The following DOCK7 variants were observed in gnomAD, a reference collection of about 807,000 sequenced individuals.
DOCK7 encodes the protein dedicator of cytokinesis protein 7.
In DOCK7, 138 loss-of-function variants were observed where a neutral mutation model predicts 271.0. That is an observed-to-expected ratio of 0.51 (90% CI 0.44 to 0.59). The LOEUF is 0.59. Among genes scored for constraint, DOCK7 ranks in the 20% least tolerant of loss-of-function variants. The pLI is 0.00. For missense variants in DOCK7, 2,066 were observed against 2,592.4 expected (o/e 0.80, Z 4.41); for synonymous variants, 823 against 876.1 (o/e 0.94, Z 1.07).
In DOCK7 at chr1:62,619,884, C is replaced by A; in HGVS notation, c.1519+16G>T. On this transcript the variant is annotated intron_variant, in intron 13 of 49. Transcript: ENST00000635253. ...AATAATAGTTGCAACCATTTCTACTCAAAATTTTTAAATACCTGTAATAGG... is the reference window on the plus strand; with the variant it reads ...AATAATAGTTGCAACCATTTCTACTAAAAATTTTTAAATACCTGTAATAGG... 6.4e-7 allele frequency: 1 copy of A among 1,570,990 alleles called. No homozygotes were observed. The highest frequency in any genetic ancestry group is 8.7e-7 in the Non-Finnish European group (1 of 1,146,934).
chr1:62,676,018 C>T (rs567517463), intron 1 of DOCK7, among the ~76,000 whole-genome samples: 1 of 152,238 alleles, frequency 6.6e-6, no homozygotes, highest in East Asian at 1.9e-4. Flanking sequence ...ACACTATGAC[C>T]TAGCAATTCC....
At chr1:62,490,063 T>TC (rs1474417930) in intron 41 of DOCK7, among the ~76,000 whole-genome samples, 2 of 149,684 alleles carry the variant, frequency 1.3e-5, no homozygotes, top group Non-Finnish European at 3.0e-5. Flanking sequence ...CCTTATCCTT[T>TC]TTTTTTTTTT....
At chr1:62,650,991 C>T (rs1166679003) in intron 4 of DOCK7, among the ~76,000 whole-genome samples, 1 of 152,098 alleles carries the variant, frequency 6.6e-6, no homozygotes, top group African/African-American at 2.4e-5. Flanking sequence ...AAGACACATG[C>T]ACACGTATGT....
intron 22 of DOCK7, among the ~76,000 whole-genome samples, chr1:62,547,595 T>C (rs1298675891): frequency 6.6e-6 from 1 of 152,090 alleles, no homozygotes; most frequent in African/African-American, 2.4e-5. Flanking sequence ...CTCTCAGTGT[T>C]TGAGAAATTA....
chr1:62,602,932 T>C (rs1169646990), intron 14 of DOCK7, among the ~76,000 whole-genome samples: 1 of 151,672 alleles, frequency 6.6e-6, no homozygotes, highest in Non-Finnish European at 1.5e-5. Context: ...ATAAGCAAGA[T>C]AAAATAACAG....
At chr1:62,647,406 T>C (rs562999546) in intron 7 of DOCK7, among the ~76,000 whole-genome samples, 2 of 152,266 alleles carry the variant, frequency 1.3e-5, no homozygotes, top group South Asian at 2.1e-4. Flanking sequence ...GCTTCATACA[T>C]AGGTTTGAAT....
At chr1:62,588,647 G>C (rs1160072416) in intron 14 of DOCK7, among the ~76,000 whole-genome samples, 1 of 152,126 alleles carries the variant, frequency 6.6e-6, no homozygotes, top group Non-Finnish European at 1.5e-5. Context: ...AAAGGATAAT[G>C]TGTTATTTTT....
chr1:62,679,212 T>A (rs955217543), intron 1 of DOCK7, among the ~76,000 whole-genome samples: 1 of 152,244 alleles, frequency 6.6e-6, no homozygotes, highest in East Asian at 1.9e-4. Flanking sequence ...ATGAATATCT[T>A]AATATCTCAG....
chr1:62,584,284 A>C lies in DOCK7; in HGVS notation c.1801-1030T>G, dbSNP rs183156539. 6.2e-5 allele frequency: 60 copies of C among 974,506 alleles called. No individual in the cohort carries two copies. The African/African-American group carries it at 9.6e-4, about 16-fold the overall frequency. 60.4% of individuals were successfully genotyped at this position (974,506 alleles called of 1,614,324 possible). ...TTCCTAAGATATATATTATTTCATC[A>C]ATTTACAAATACCTTAGTATGTTTT... is the stretch of plus-strand genomic sequence containing the variant. On this transcript the variant is annotated intron_variant, in intron 15 of 49. Coordinates refer to ENST00000635253, the MANE Select transcript of DOCK7 (RefSeq NM_001367561.1).
chr1:62,671,147 A>T (rs966793330), intron 1 of DOCK7, among the ~76,000 whole-genome samples: 1 of 152,196 alleles, frequency 6.6e-6, no homozygotes, highest in Non-Finnish European at 1.5e-5. Context: ...GAACATCAGA[A>T]GGGACAGACT....
chr1:62,516,766 C>T (rs1644673463), intron 31 of DOCK7: 1 of 152,278 alleles, frequency 6.6e-6, no homozygotes, highest in Non-Finnish European at 1.5e-5. Context: ...ACTCTGATCA[C>T]CACACACATA....
rs74669641 is a variant in DOCK7 at position 62,590,555 on chromosome 1, C to G, written c.1683-3931G>C. On this transcript the variant is annotated intron_variant, in intron 14 of 49. Transcript: ENST00000635253. Reference sequence around the variant, plus strand: ...AGATGAAGTCCTTAGCTTCATAGAACTCGTGGTCTAGAGGGGAAATCAGAC... The same window carrying G: ...AGATGAAGTCCTTAGCTTCATAGAAGTCGTGGTCTAGAGGGGAAATCAGAC... 2.6e-3 allele frequency among the ~76,000 whole-genome samples: 389 copies of G among 152,190 alleles called. 3 individuals carry two copies. The highest frequency in any genetic ancestry group is 8.6e-3 in the African/African-American group (357 of 41,520).
intron 1 of DOCK7, among the ~76,000 whole-genome samples, chr1:62,686,171 T>TCATCAGAAGTAAGACC (rs1661710520): frequency 1.9e-3 from 1 of 538 alleles, no homozygotes; most frequent in African/African-American, 1.9e-3. Flanking sequence ...TTTTTTTTTT[T>TCATCAGAAGTAAGACC]TTTTTTTTTT....
intron 48 of DOCK7, among the ~76,000 whole-genome samples, chr1:62,465,821 A>T (rs924455255): frequency 6.6e-6 from 1 of 152,224 alleles, no homozygotes; most frequent in South Asian, 2.1e-4. Flanking sequence ...AAGTGCTGGG[A>T]TTACAGGTGT....
At chr1:62,680,253 T>C (rs1176862089) in intron 1 of DOCK7, among the ~76,000 whole-genome samples, 1 of 152,184 alleles carries the variant, frequency 6.6e-6, no homozygotes, top group Non-Finnish European at 1.5e-5. Context: ...AACCATCTGA[T>C]CTTTGACAAA....
chr1:62,535,002 T>C (rs1003010091), intron 29 of DOCK7, among the ~76,000 whole-genome samples: 2 of 152,004 alleles, frequency 1.3e-5, no homozygotes, highest in Non-Finnish European at 2.9e-5. Flanking sequence ...GGCAGGAGAA[T>C]TGCTTGAACC....
Position 62,542,711 on chromosome 1 carries a change from G to A in DOCK7, c.2950-8C>T, listed in dbSNP as rs1011495148. The A allele has an allele frequency of 1.2e-6, 2 of 1,610,830 alleles. No individual in the cohort carries two copies. The highest frequency in any genetic ancestry group is 1.7e-6 in the Non-Finnish European group (2 of 1,178,662). The stretch of plus-strand genomic sequence containing the variant: ...CAGCTCCTCGTGAAAAAGCTATCCA[G>A]AAGTAAATCCAAAGTTATTATCAAA... On this transcript the variant is annotated splice_region_variant and splice_polypyrimidine_tract_variant and intron_variant, in intron 24 of 49. Transcript: ENST00000635253.
intron 22 of DOCK7, 101 bp from the exon 23 acceptor site, chr1:62,545,140 T>C (rs924979764): frequency 1.3e-5 from 15 of 1,162,572 alleles, no homozygotes; most frequent in Non-Finnish European, 1.7e-5. Context: ...TGCAAACATG[T>C]TTTTAATTAG....
chr1:62,585,512 C>T (rs1185975168), intron 15 of DOCK7, among the ~76,000 whole-genome samples: 1 of 152,122 alleles, frequency 6.6e-6, no homozygotes, highest in Non-Finnish European at 1.5e-5. Context: ...TAGTGTCCCA[C>T]AAATCCTGAA....
Sources: allele counts gnomAD v4.1 joint callset (sites outside exome capture counted in the v4.1 genomes callset), GRCh38; gene constraint gnomAD v4.1.1; transcripts MANE v1.5; gene names NCBI Gene and HGNC (gene_info 2026-07-23, HGNC 2026-07-21).